Variants in TSHZ2 observed in about 807,000 individuals in gnomAD.
TSHZ2 encodes the protein teashirt homolog 2.
TSHZ2 carries 21 observed loss-of-function variants against 74.4 expected under a neutral mutation model. That is an observed-to-expected ratio of 0.28 (90% confidence interval 0.20 to 0.41). The LOEUF (loss-of-function observed/expected upper bound fraction) is 0.41, where lower values mean the gene tolerates loss of function less well. Among genes scored for constraint, TSHZ2 ranks in the 10% least tolerant of loss-of-function variants. The pLI is 1.00. For synonymous variants in TSHZ2, 540 were observed against 515.3 expected, an observed-to-expected ratio of 1.05 and a Z score of -0.65; for missense variants, 1,244 against 1,293.5, an observed-to-expected ratio of 0.96 and a Z score of 0.59.
At position 53,254,073 on chromosome 20, in the gene TSHZ2, C is replaced by T. The variant is rs534474372; in HGVS notation, c.615C>T (p.Cys205=). ...VQLYRQSSKM[C]GTVFTGASRF... ...TGTACCGACAGAGCAGCAAGATGTG[C>T]GGGACTGTGTTCACAGGGGCCAGCA... Residue 205 remains cysteine (C), a synonymous_variant, in exon 2 of 3, where the codon TGC becomes TGT. Coordinates refer to ENST00000371497, the MANE Select transcript of TSHZ2 (RefSeq NM_173485.6). 1.2e-5 allele frequency: 19 copies of T among 1,614,076 alleles called. No individual in the cohort carries two copies. The South Asian group carries it at 1.2e-4, about 10-fold the overall frequency.
intron 2 of TSHZ2, among the ~76,000 whole-genome samples, chr20:53,342,187 C>T (rs1393003587): frequency 9.2e-5 from 14 of 152,020 alleles, no homozygotes. Flanking sequence ...TTCAGATTTC[C>T]TTAGTGTTTC....
intron 1 of TSHZ2, among the ~76,000 whole-genome samples, chr20:53,129,972 G>T (rs1987057443): frequency 6.6e-6 from 1 of 151,808 alleles, no homozygotes; most frequent in Admixed American, 6.6e-5. Context: ...CTCTCGGAAT[G>T]GTAGCCGGCA....
intron 2 of TSHZ2, among the ~76,000 whole-genome samples, chr20:53,364,712 T>C (rs780961212): frequency 2.0e-5 from 3 of 152,246 alleles, no homozygotes; most frequent in Non-Finnish European, 4.4e-5. Context: ...CCATGTTGGC[T>C]TGTGGAGTGC....
intron 1 of TSHZ2, among the ~76,000 whole-genome samples, chr20:53,196,713 A>G (rs1255895816): frequency 6.6e-6 from 1 of 152,166 alleles, no homozygotes; most frequent in African/African-American, 2.4e-5. Context: ...TTCACACAAC[A>G]TGTGGGTCAG....
intron 1 of TSHZ2, among the ~76,000 whole-genome samples, chr20:53,231,270 A>G (rs1418642460): frequency 6.6e-6 from 1 of 152,260 alleles, no homozygotes; most frequent in East Asian, 1.9e-4. Flanking sequence ...GACATCCTGC[A>G]TATACAAATC....
Position 53,203,496 on chromosome 20 carries a change from G to A in TSHZ2, c.41-50003G>A, listed in dbSNP as rs962736943. Among the ~76,000 whole-genome samples the A allele has an allele frequency of 2.0e-5, 3 of 152,124 alleles. No homozygotes were observed. In the East Asian group the frequency reaches 5.8e-4, roughly 29 times the overall value. Reference sequence around the variant, plus strand: ...GAGGGTTCATTGATTTGGCATGGGGGTCTCAAACTCATAGGTCTACAGGGG... The same window carrying A: ...GAGGGTTCATTGATTTGGCATGGGGATCTCAAACTCATAGGTCTACAGGGG... On this transcript the variant is annotated intron_variant, in intron 1 of 2. Coordinates refer to ENST00000371497, the MANE Select transcript of TSHZ2 (RefSeq NM_173485.6).
chr20:53,266,763 C>T (rs889598139), intron 2 of TSHZ2, among the ~76,000 whole-genome samples: 33 of 147,400 alleles, frequency 2.2e-4, no homozygotes, highest in Non-Finnish European at 3.9e-4. Flanking sequence ...CAGGGGAGGC[C>T]GATCGACGAT....
At chr20:53,223,267 ATT>A (rs1170656572) in intron 1 of TSHZ2, among the ~76,000 whole-genome samples, 2 of 152,156 alleles carry the variant, frequency 1.3e-5, no homozygotes, top group Non-Finnish European at 2.9e-5. Flanking sequence ...TTTAACATGA[ATT>A]TTTTTAACTT....
chr20:53,212,122 G>C (rs1422456929), intron 1 of TSHZ2, among the ~76,000 whole-genome samples: 1 of 152,156 alleles, frequency 6.6e-6, no homozygotes, highest in Admixed American at 6.5e-5. Context: ...TGGGGGCCCA[G>C]ACAGCACTGC....
At chr20:53,401,871 C>T (rs1013793178) in intron 2 of TSHZ2, among the ~76,000 whole-genome samples, 2 of 150,112 alleles carry the variant, frequency 1.3e-5, no homozygotes, top group East Asian at 2.0e-4. Flanking sequence ...CAAGTTCCGC[C>T]TCCCGGGTTC....
intron 1 of TSHZ2, among the ~76,000 whole-genome samples, chr20:53,187,921 C>T (rs78795461): frequency 6.6e-6 from 1 of 152,218 alleles, no homozygotes; most frequent in East Asian, 1.9e-4. Context: ...GCTCCTGCTA[C>T]CCTTAAACCA....
intron 2 of TSHZ2, among the ~76,000 whole-genome samples, chr20:53,353,060 A>G (rs1423494409): frequency 6.6e-6 from 1 of 152,202 alleles, no homozygotes; most frequent in African/African-American, 2.4e-5. Flanking sequence ...AGGATAGTGC[A>G]TGCTTATTTA....
At chr20:53,344,977 T>C (rs948386781) in intron 2 of TSHZ2, among the ~76,000 whole-genome samples, 2 of 152,210 alleles carry the variant, frequency 1.3e-5, no homozygotes, top group African/African-American at 2.4e-5. Flanking sequence ...GCACTGTGAT[T>C]GACAAGTTTG....
chr20:53,051,800 G>A (rs975608965), intron 1 of TSHZ2, among the ~76,000 whole-genome samples: 2 of 152,102 alleles, frequency 1.3e-5, no homozygotes, highest in African/African-American at 4.8e-5. Flanking sequence ...TTCTAAAATG[G>A]GGTCCAGTTG....
rs6147374 is a variant in TSHZ2 at position 53,001,250 on chromosome 20, G to T, written c.40+27917G>T. Among the ~76,000 whole-genome samples the T allele has an allele frequency of 5.1e-3, 664 of 129,046 alleles. 7 individuals carry two copies. The highest frequency in any genetic ancestry group is 0.018 in the African/African-American group (647 of 35,306). 84.7% of individuals were successfully genotyped at this position (129,046 alleles called of 152,430 possible). A position where few individuals can be genotyped will look rare whatever the true frequency, so the allele number is the denominator to read the frequency against. On this transcript the variant is annotated intron_variant, in intron 1 of 2. Coordinates refer to ENST00000371497, the MANE Select transcript of TSHZ2 (RefSeq NM_173485.6). ...TGTGTGTGTGTGTGTGTGTGTGTGT[G>T]TGTGTTTGGGAGGGGGTGCTGATAT...
At chr20:53,198,766 G>A (rs956094207) in intron 1 of TSHZ2, among the ~76,000 whole-genome samples, 5 of 152,158 alleles carry the variant, frequency 3.3e-5, no homozygotes, top group Admixed American at 1.3e-4. Flanking sequence ...GGCTTATTCC[G>A]ACTTGGGATT....
chr20:53,447,912 A>ATTT (rs3042218), intron 2 of TSHZ2, among the ~76,000 whole-genome samples: 4 of 134,856 alleles, frequency 3.0e-5, no homozygotes, highest in Admixed American at 7.5e-5. Context: ...GGAAGAAGAA[A>ATTT]TTTTTTTTTT....
At chr20:53,435,141 T>C (rs1272696002) in intron 2 of TSHZ2, among the ~76,000 whole-genome samples, 5 of 152,256 alleles carry the variant, frequency 3.3e-5, no homozygotes, top group Non-Finnish European at 7.3e-5. Flanking sequence ...TTGGAGACCA[T>C]GCTGGTTGTT....
At chr20:53,044,487 A>G (rs1036999671) in intron 1 of TSHZ2, among the ~76,000 whole-genome samples, 1 of 151,774 alleles carries the variant, frequency 6.6e-6, no homozygotes, top group Non-Finnish European at 1.5e-5. Context: ...TTGTGACACC[A>G]GTAGCTCTCA....
Sources: allele counts gnomAD v4.1 joint callset (sites outside exome capture counted in the v4.1 genomes callset), GRCh38; gene constraint gnomAD v4.1.1; transcripts MANE v1.5; gene names NCBI Gene and HGNC (gene_info 2026-07-23, HGNC 2026-07-21).